Variants in TMEM132B observed in about 807,000 individuals in gnomAD.
The protein encoded by TMEM132B is transmembrane protein 132B.
Under a neutral mutation model 90.8 loss-of-function variants are expected in TMEM132B, and 18 were observed. The observed-to-expected ratio is 0.20, with a 90% CI of 0.14 to 0.29. The LOEUF (loss-of-function observed/expected upper bound fraction) is 0.29, where lower values mean the gene tolerates loss of function less well. Ranked by LOEUF, TMEM132B falls within the 10% of genes least tolerant of loss-of-function variation. TMEM132B has a pLI of 1.00. For missense variants in TMEM132B, 1,096 were observed against 1,326.8 expected, an observed-to-expected ratio of 0.83 and a Z score of 2.70; for synonymous variants, 504 against 523.3, an observed-to-expected ratio of 0.96 and a Z score of 0.50.
At chr12:125,617,953 CAA>C (rs59348979) in intron 5 of TMEM132B, among the ~76,000 whole-genome samples, 73,994 of 144,532 alleles carry the variant, frequency 0.51, 19,600 homozygotes, top group African/African-American at 0.71. Flanking sequence ...TTGCTTACTA[CAA>C]AAAAAAAAAA....
intron 1 of TMEM132B, among the ~76,000 whole-genome samples, chr12:125,297,916 G>A (rs77765195): frequency 4.3e-4 from 66 of 152,146 alleles, no homozygotes; most frequent in East Asian, 1.9e-3. Context: ...TCCTTTCTCC[G>A]CTGGACCATT....
At chr12:125,412,612 C>T (rs138707586) in intron 2 of TMEM132B, among the ~76,000 whole-genome samples, 60 of 152,208 alleles carry the variant, frequency 3.9e-4, no homozygotes, top group South Asian at 6.2e-4. Flanking sequence ...TTGAGAACAA[C>T]GGTGACAGGC....
chr12:125,486,343 G>A (rs1257793273), intron 3 of TMEM132B, among the ~76,000 whole-genome samples: 1 of 152,174 alleles, frequency 6.6e-6, no homozygotes, highest in Admixed American at 6.5e-5. Context: ...GTGTTATAGT[G>A]TATTGGTTAT....
At position 125,349,628 on chromosome 12, in the gene TMEM132B, C is replaced by T. The variant is rs183023049; in HGVS notation, c.244C>T (p.Arg82Ter). ...QARVEPFFIY[R>*]ARTPPIINAS... ...CCGGGTGGAGCCATTCTTCATCTAC[C>T]GAGCCAGGACACCCCCTATTATCAA... Residue 82 changes from arginine (R) to a stop codon, truncating the protein, a stop_gained, in exon 2 of 9, where the codon CGA (arginine) becomes TGA (stop). Transcript: ENST00000682704. LOFTEE classifies it high-confidence loss of function. The surrounding 1 kb of genome is among the most constrained non-coding windows in gnomAD (Gnocchi z 4.1). 1.9e-6 allele frequency: 3 copies of T among 1,614,104 alleles called. No individual in the cohort carries two copies. The highest frequency in any genetic ancestry group is 2.5e-6 in the Non-Finnish European group (3 of 1,180,016).
rs186878042 is a variant in TMEM132B at position 125,423,139 on chromosome 12, G to A, written c.1106+7462G>A. ...TCCAGGTGATTTTAATGTGCAGCCC[G>A]GGCTGAGAATTCCTGGGAGACATGA... On this transcript the variant is annotated intron_variant, in intron 3 of 8. Transcript: ENST00000682704. 2.3e-3 allele frequency among the ~76,000 whole-genome samples: 351 copies of A among 152,234 alleles called. 2 individuals carry two copies. Among genetic ancestry groups the A allele is most frequent in the African/African-American group, 7.8e-3 (325 of 41,540 alleles).
intron 5 of TMEM132B, among the ~76,000 whole-genome samples, chr12:125,634,487 C>T (rs1886437053): frequency 1.3e-5 from 2 of 152,310 alleles, no homozygotes; most frequent in Middle Eastern, 3.4e-3. Context: ...TTTTCTTAAG[C>T]AGGAATCTTG....
intron 3 of TMEM132B, among the ~76,000 whole-genome samples, chr12:125,467,277 T>C (rs776164103): frequency 5.5e-4 from 84 of 152,116 alleles, no homozygotes; most frequent in Non-Finnish European, 1.0e-3. Context: ...GGGTTGGGGA[T>C]GGGGAAGTGG....
chr12:125,579,539 T>A (rs1438937065), intron 4 of TMEM132B, among the ~76,000 whole-genome samples: 1 of 151,878 alleles, frequency 6.6e-6, no homozygotes, highest in Non-Finnish European at 1.5e-5. Flanking sequence ...ATTTTTTATA[T>A]TTTTAGTAAA....
intron 1 of TMEM132B, among the ~76,000 whole-genome samples, chr12:125,330,528 C>G (rs1402923449): frequency 6.6e-6 from 1 of 151,966 alleles, no homozygotes; most frequent in Non-Finnish European, 1.5e-5. Context: ...AAAACTTAAT[C>G]ACTAATTGTC....
At chr12:125,227,140 AGC>A (rs1873700888) in intron 1 of TMEM132B, among the ~76,000 whole-genome samples, 1 of 152,162 alleles carries the variant, frequency 6.6e-6, no homozygotes, top group African/African-American at 2.4e-5. Context: ...ACTGTCTCCC[AGC>A]ATTGCCCAGT....
chr12:125,258,185 C>T (rs375359334), intron 1 of TMEM132B, among the ~76,000 whole-genome samples: 22 of 152,142 alleles, frequency 1.4e-4, no homozygotes, highest in East Asian at 5.8e-4. Flanking sequence ...ACAAATGAGA[C>T]GGTTTCATGA....
At chr12:125,352,477 T>C (rs1877620788) in intron 2 of TMEM132B, among the ~76,000 whole-genome samples, 1 of 152,258 alleles carries the variant, frequency 6.6e-6, no homozygotes, top group Non-Finnish European at 1.5e-5. Flanking sequence ...ATATACCAGC[T>C]GTGTGCCCTT....
At chr12:125,606,501 A>C (rs1208041290) in intron 5 of TMEM132B, among the ~76,000 whole-genome samples, 10 of 152,226 alleles carry the variant, frequency 6.6e-5, no homozygotes, top group Non-Finnish European at 1.5e-4. Context: ...GCCAGAATGC[A>C]CATGTGTGCA....
chr12:125,219,474 C>T (rs1417117738), intron 1 of TMEM132B, among the ~76,000 whole-genome samples: 1 of 152,148 alleles, frequency 6.6e-6, no homozygotes, highest in African/African-American at 2.4e-5. Flanking sequence ...CTTGGGGGAA[C>T]TGTCCTTCCC....
chr12:125,201,787 G>C (rs1309654035), intron 1 of TMEM132B, among the ~76,000 whole-genome samples: 1 of 152,234 alleles, frequency 6.6e-6, no homozygotes, highest in Non-Finnish European at 1.5e-5. Context: ...AGTTAAGCTT[G>C]ACATCACATC....
intron 1 of TMEM132B, among the ~76,000 whole-genome samples, chr12:125,193,358 C>T (rs1455713281): frequency 6.6e-6 from 1 of 152,186 alleles, no homozygotes; most frequent in African/African-American, 2.4e-5. Flanking sequence ...CCTTCTTGTC[C>T]TGGAGTTTTG....
At position 125,495,724 on chromosome 12, in the gene TMEM132B, G is replaced by A. The variant is rs535129871; in HGVS notation, c.1107-23715G>A. On this transcript the variant is annotated intron_variant, in intron 3 of 8. Transcript: ENST00000682704. ...TGTAAACAGTGGACAGAAATGCCTG[G>A]GCCTGCTCATCCCTTCATGGCACTA... Among the ~76,000 whole-genome samples, 12 of 152,200 alleles carry A rather than the reference G, an allele frequency of 7.9e-5. No individual in the cohort carries two copies. The East Asian group carries it at 2.3e-3, about 29-fold the overall frequency.
chr12:125,205,650 G>A (rs561078235), intron 1 of TMEM132B, among the ~76,000 whole-genome samples: 1 of 152,352 alleles, frequency 6.6e-6, no homozygotes, highest in Non-Finnish European at 1.5e-5. Context: ...GGGCCTCTCT[G>A]TCTGTCTCCA....
At chr12:125,611,043 T>C (rs1377324787) in intron 5 of TMEM132B, among the ~76,000 whole-genome samples, 1 of 152,148 alleles carries the variant, frequency 6.6e-6, no homozygotes, top group Non-Finnish European at 1.5e-5. Flanking sequence ...TTTCTTCTTC[T>C]TATTTTTGAT....
Sources: allele counts gnomAD v4.1 joint callset (sites outside exome capture counted in the v4.1 genomes callset), GRCh38; gene constraint gnomAD v4.1.1; non-coding constraint Gnocchi (gnomAD v3.1); transcripts MANE v1.5; gene names NCBI Gene and HGNC (gene_info 2026-07-23, HGNC 2026-07-21).